The following FARS2 variants were observed in gnomAD, a reference collection of about 807,000 sequenced individuals.
FARS2 encodes phenylalanine--tRNA ligase, mitochondrial.
Under a neutral mutation model 46.4 loss-of-function variants are expected in FARS2, and 40 were observed. The ratio of observed to expected loss-of-function variants is 0.86; its 90% CI spans 0.67 to 1.12. The LOEUF (loss-of-function observed/expected upper bound fraction) is 1.12, where lower values mean the gene tolerates loss of function less well. Ranked by LOEUF, FARS2 falls within the 50% of genes most tolerant of loss-of-function variation. The pLI is 0.00. For synonymous variants in FARS2, 234 were observed against 214.9 expected, an observed-to-expected ratio of 1.09 and a Z score of -0.78; for missense variants, 513 against 567.9, an observed-to-expected ratio of 0.90 and a Z score of 0.98.
At chr6:5,493,392 G>A (rs1312757185) in intron 4 of FARS2, among the ~76,000 whole-genome samples, 1 of 152,116 alleles carries the variant, frequency 6.6e-6, no homozygotes, top group African/African-American at 2.4e-5. Context: ...TCAGTGCAGA[G>A]CAACACTTAA....
At chr6:5,445,534 C>T (rs1764134782) in intron 4 of FARS2, among the ~76,000 whole-genome samples, 1 of 152,020 alleles carries the variant, frequency 6.6e-6, no homozygotes. Flanking sequence ...AAATTTATGC[C>T]AGGTTTTAAA....
At chr6:5,711,291 GATGAATGAATGA>G (rs34840036) in intron 6 of FARS2, among the ~76,000 whole-genome samples, 4 of 151,266 alleles carry the variant, frequency 2.6e-5, no homozygotes, top group East Asian at 1.9e-4. Flanking sequence ...ATGCGGGATG[GATGAATGAATGA>G]ATGAATGAAT....
At chr6:5,567,705 G>A (rs1437571627) in intron 5 of FARS2, among the ~76,000 whole-genome samples, 3 of 152,220 alleles carry the variant, frequency 2.0e-5, no homozygotes, top group Non-Finnish European at 2.9e-5. Flanking sequence ...TTCTGCCCAT[G>A]TTTATGCATA....
In FARS2 at chr6:5,391,720, C is replaced by T. The variant is rs533867845; in HGVS notation, c.613-12822C>T. ...CAAAGAAGCAAATTCTTCTTCTGTC[C>T]GTTTTCTTTTTTCTGTGCCCTTTAA... On this transcript the variant is annotated intron_variant, in intron 2 of 6. Coordinates refer to ENST00000274680, the MANE Select transcript of FARS2 (RefSeq NM_006567.5). Among the ~76,000 whole-genome samples the T allele has an allele frequency of 3.9e-5, 6 of 152,068 alleles. No homozygotes were observed. In the South Asian group the frequency reaches 8.3e-4, roughly 21 times the overall value.
chr6:5,449,132 T>G (rs1410189105), intron 4 of FARS2, among the ~76,000 whole-genome samples: 2 of 152,086 alleles, frequency 1.3e-5, no homozygotes, highest in South Asian at 2.1e-4. Flanking sequence ...GCAGATCACT[T>G]GAGGTCAGGA....
chr6:5,675,551 T>C (rs1436939765), intron 6 of FARS2, among the ~76,000 whole-genome samples: 1 of 152,072 alleles, frequency 6.6e-6, no homozygotes, highest in Non-Finnish European at 1.5e-5. Flanking sequence ...TTAAAAAGAG[T>C]CCTGTTCAGC....
intron 6 of FARS2, among the ~76,000 whole-genome samples, chr6:5,760,832 C>T (rs1361966343): frequency 3.3e-5 from 5 of 152,190 alleles, no homozygotes; most frequent in Non-Finnish European, 5.9e-5. Context: ...GTTCATTTGG[C>T]GCCAGTCTGT....
At position 5,399,004 on chromosome 6, in the gene FARS2, GT is replaced by G. The variant is rs555624193; in HGVS notation, c.613-5536del. 2.2e-3 allele frequency among the ~76,000 whole-genome samples: 330 copies of G among 151,834 alleles called. 1 individual carries two copies. Among genetic ancestry groups the G allele is most frequent in the African/African-American group, 7.6e-3 (313 of 41,448 alleles). On this transcript the variant is annotated intron_variant, in intron 2 of 6. Coordinates refer to ENST00000274680, the MANE Select transcript of FARS2 (RefSeq NM_006567.5). The stretch of plus-strand genomic sequence containing the variant: ...AATACTGTTTTTGAAAGTTATTTTG[GT>G]TAATTCTTTTCTTCTCCACTCTCTT...
chr6:5,603,155 G>C (rs1582556947), intron 5 of FARS2, among the ~76,000 whole-genome samples: 1 of 152,142 alleles, frequency 6.6e-6, no homozygotes. Context: ...TAGTGCAGTG[G>C]TGCGATCTCA....
chr6:5,500,186 C>T (rs530616019), intron 4 of FARS2, among the ~76,000 whole-genome samples: 10 of 152,280 alleles, frequency 6.6e-5, no homozygotes, highest in African/African-American at 1.7e-4. Flanking sequence ...GCCTCCCTCT[C>T]GCCCTCCCTC....
chr6:5,747,073 A>G (rs1459935795), intron 6 of FARS2, among the ~76,000 whole-genome samples: 7 of 152,218 alleles, frequency 4.6e-5, no homozygotes, highest in African/African-American at 1.4e-4. Context: ...TGCAAAGGGT[A>G]TGGCGGCATC....
chr6:5,266,188 C>G lies in FARS2; in HGVS notation c.-22+4528C>G, dbSNP rs1308695169. On this transcript the variant is annotated intron_variant, in intron 1 of 6. Transcript: ENST00000274680. ...ACCCTGATTGAGGTCTAAGAAAAAA[C>G]AATCATGACCTGCGGAAGGCTTTGG... Among the ~76,000 whole-genome samples the G allele has an allele frequency of 3.3e-5, 5 of 152,152 alleles. No homozygotes were observed. In the East Asian group the frequency reaches 9.6e-4, roughly 29 times the overall value.
At chr6:5,547,456 C>CGG (rs1442521368) in intron 5 of FARS2, among the ~76,000 whole-genome samples, 2 of 151,454 alleles carry the variant, frequency 1.3e-5, no homozygotes, top group Non-Finnish European at 2.9e-5. Flanking sequence ...CTTATGCTTT[C>CGG]TACCTTCTGG....
At chr6:5,421,383 A>G (rs895760884) in intron 3 of FARS2, among the ~76,000 whole-genome samples, 5 of 152,228 alleles carry the variant, frequency 3.3e-5, no homozygotes, top group Non-Finnish European at 5.9e-5. Context: ...GCTGCCACAA[A>G]GACCTCTGAC....
intron 2 of FARS2, among the ~76,000 whole-genome samples, chr6:5,393,624 T>G (rs1029948110): frequency 2.6e-5 from 4 of 151,472 alleles, no homozygotes; most frequent in Admixed American, 6.6e-5. Context: ...GCCATTGCAC[T>G]CCAGCCTGGT....
At chr6:5,480,766 T>C (rs866927679) in intron 4 of FARS2, among the ~76,000 whole-genome samples, 5 of 152,222 alleles carry the variant, frequency 3.3e-5, no homozygotes, top group Non-Finnish European at 7.3e-5. Context: ...AATAGGTGGC[T>C]TCTTTTCTGA....
chr6:5,606,054 G>A (rs922739891), intron 5 of FARS2, among the ~76,000 whole-genome samples: 1 of 152,094 alleles, frequency 6.6e-6, no homozygotes, highest in African/African-American at 2.4e-5. Context: ...AAGAGGAGAG[G>A]AAGATAGATT....
chr6:5,283,453 G>A (rs1318725843), intron 1 of FARS2, among the ~76,000 whole-genome samples: 1 of 150,738 alleles, frequency 6.6e-6, no homozygotes, highest in African/African-American at 2.4e-5. Flanking sequence ...GGAGGCTGAG[G>A]CAGGAGAATT....
intron 2 of FARS2, among the ~76,000 whole-genome samples, chr6:5,390,155 C>A (rs1212497580): frequency 6.6e-6 from 1 of 152,240 alleles, no homozygotes; most frequent in Non-Finnish European, 1.5e-5. Flanking sequence ...TGAGCCACTG[C>A]ACCCAGCCTC....
Sources: allele counts gnomAD v4.1 joint callset (sites outside exome capture counted in the v4.1 genomes callset), GRCh38; gene constraint gnomAD v4.1.1; transcripts MANE v1.5; gene names NCBI Gene and HGNC (gene_info 2026-07-23, HGNC 2026-07-21).